The following DCLK1 variants were observed in gnomAD, a reference collection of about 807,000 sequenced individuals.
The protein encoded by DCLK1 is doublecortin like kinase 1, also known as serine/threonine-protein kinase DCLK1.
A neutral mutation model predicts 86.2 loss-of-function variants in DCLK1; 16 were observed. The ratio of observed to expected loss-of-function variants is 0.19; its 90% CI spans 0.13 to 0.28. The LOEUF is 0.28. Ranked by LOEUF, DCLK1 falls within the 10% of genes least tolerant of loss-of-function variation. The pLI, the probability that DCLK1 is intolerant of heterozygous loss-of-function variation, is 1.00. For missense variants in DCLK1, 590 were observed against 940.2 expected (o/e 0.63, Z 4.87); for synonymous variants, 369 against 370.5 (o/e 1.00, Z 0.05).
At position 36,087,638 on chromosome 13, in the gene DCLK1, A is replaced by T. The variant is rs115132197; in HGVS notation, c.723+24231T>A. 5.0e-3 allele frequency among the ~76,000 whole-genome samples: 754 copies of T among 152,300 alleles called. 3 individuals carry two copies. Among genetic ancestry groups the T allele is most frequent in the African/African-American group, 0.017 (714 of 41,576 alleles). ...AAAACAGGCCATGTGGATTGCTGGC[A>T]TGCAGGAAATGCTCTGAGGATATCC... is the stretch of plus-strand genomic sequence containing the variant. On this transcript the variant is annotated intron_variant, in intron 3 of 16. Transcript: ENST00000360631.
At chr13:35,923,260 A>G (rs1875909430) in intron 4 of DCLK1, among the ~76,000 whole-genome samples, 1 of 152,140 alleles carries the variant, frequency 6.6e-6, no homozygotes, top group South Asian at 2.1e-4. Flanking sequence ...CTCAGGACTC[A>G]GGTGAGATGC....
In DCLK1 at chr13:35,864,314, C is replaced by A. The variant is rs375524947; in HGVS notation, c.940+6910G>T. 1.7e-4 allele frequency among the ~76,000 whole-genome samples: 13 copies of A among 75,130 alleles called. 3 individuals are homozygous for A. The East Asian group carries it at 2.1e-3, about 12-fold the overall frequency. The allele number at this position is 75,130 out of a possible 152,430, so 49.3% of individuals were successfully genotyped here. A position where few individuals can be genotyped will look rare whatever the true frequency, so the allele number is the denominator to read the frequency against. ...GGCGCGGTGGCTCACGCCTGTAATCCCAGCACTTTGGGAGGCCGAGGCGGG... is the reference window on the plus strand; with the variant it reads ...GGCGCGGTGGCTCACGCCTGTAATCACAGCACTTTGGGAGGCCGAGGCGGG... On this transcript the variant is annotated intron_variant, in intron 5 of 16. Transcript: ENST00000360631.
intron 3 of DCLK1, among the ~76,000 whole-genome samples, chr13:36,023,901 CT>C (rs59071937): frequency 4.7e-5 from 6 of 128,526 alleles, no homozygotes; most frequent in Admixed American, 8.4e-5. Flanking sequence ...TTCTTTCTTT[CT>C]TTTTTTTTTT....
intron 3 of DCLK1, among the ~76,000 whole-genome samples, chr13:35,961,850 C>G (rs1022433058): frequency 2.0e-5 from 3 of 152,138 alleles, no homozygotes; most frequent in Admixed American, 1.3e-4. Context: ...GTGTTATCCA[C>G]AAGTTTTAAG....
intron 4 of DCLK1, among the ~76,000 whole-genome samples, chr13:35,924,295 G>A (rs958366391): frequency 3.3e-5 from 5 of 152,066 alleles, no homozygotes; most frequent in Non-Finnish European, 4.4e-5. Flanking sequence ...CCAGCAGACC[G>A]TTACAAAGGC....
intron 16 of DCLK1, chr13:35,787,872 T>C: frequency 2.9e-6 from 1 of 340,130 alleles, no homozygotes; most frequent in South Asian, 2.6e-5. Context: ...CTTCCATTTG[T>C]TAAGGGACAG....
intron 5 of DCLK1, among the ~76,000 whole-genome samples, chr13:35,866,614 G>GT (rs1171210862): frequency 9.4e-5 from 13 of 138,140 alleles, no homozygotes; most frequent in East Asian, 2.1e-4. Context: ...GCTAATTTTT[G>GT]TATTTTTTTT....
intron 3 of DCLK1, among the ~76,000 whole-genome samples, chr13:36,097,132 G>C (rs941890290): frequency 6.6e-6 from 1 of 152,138 alleles, no homozygotes; most frequent in African/African-American, 2.4e-5. Flanking sequence ...GTAGAAAGGA[G>C]ACTTTTCTAT....
intron 3 of DCLK1, among the ~76,000 whole-genome samples, chr13:35,984,779 T>C (rs1759346937): frequency 6.7e-6 from 1 of 149,932 alleles, no homozygotes; most frequent in Non-Finnish European, 1.5e-5. Flanking sequence ...CTCTCTTCAC[T>C]ACCCCCCAGG....
chr13:35,901,515 A>AAAAT (rs1874364396), intron 4 of DCLK1, among the ~76,000 whole-genome samples: 1 of 150,600 alleles, frequency 6.6e-6, no homozygotes, highest in Admixed American at 6.6e-5. Context: ...AAAAAAAAAA[A>AAAAT]AAGACAGACT....
At chr13:35,897,774 C>A (rs1225517234) in intron 4 of DCLK1, among the ~76,000 whole-genome samples, 3 of 152,146 alleles carry the variant, frequency 2.0e-5, no homozygotes, top group Non-Finnish European at 4.4e-5. Context: ...CTGAAAACAA[C>A]AGCAAACTTG....
intron 3 of DCLK1, among the ~76,000 whole-genome samples, chr13:36,024,629 T>C (rs542656832): frequency 6.6e-6 from 1 of 152,168 alleles, no homozygotes; most frequent in East Asian, 1.9e-4. Context: ...GATTTGAAGA[T>C]GTAATACTGT....
intron 3 of DCLK1, among the ~76,000 whole-genome samples, chr13:35,987,816 C>T (rs1880012551): frequency 6.6e-6 from 1 of 152,090 alleles, no homozygotes; most frequent in Non-Finnish European, 1.5e-5. Flanking sequence ...ACTATGTGCT[C>T]CAGAGGCCAG....
chr13:36,108,542 T>C lies in DCLK1; in HGVS notation c.723+3327A>G, dbSNP rs572637950. 1.4e-4 allele frequency among the ~76,000 whole-genome samples: 22 copies of C among 152,280 alleles called. No homozygotes were observed. The South Asian group carries it at 4.6e-3, about 32-fold the overall frequency. The stretch of plus-strand genomic sequence containing the variant: ...CGGTGTCCGTCTCCTCTGGGTAAGA[T>C]ATTAAACAGCAGGCTCCGGCTTTCA... On this transcript the variant is annotated intron_variant, in intron 3 of 16. Transcript: ENST00000360631.
chr13:35,810,380 T>C (rs574429634), intron 12 of DCLK1, among the ~76,000 whole-genome samples: 1 of 152,256 alleles, frequency 6.6e-6, no homozygotes, highest in African/African-American at 2.4e-5. Context: ...CTAAGGGTGT[T>C]TGTACTCCAC....
intron 12 of DCLK1, 69 bp from the exon 13 acceptor site, chr13:35,809,164 A>C: frequency 7.5e-7 from 1 of 1,335,294 alleles, no homozygotes; most frequent in Non-Finnish European, 1.0e-6. Context: ...TGGTAAAATC[A>C]ATGACTTTCC....
At chr13:36,127,988 C>A (rs923383494) in intron 1 of DCLK1, among the ~76,000 whole-genome samples, 1 of 152,210 alleles carries the variant, frequency 6.6e-6, no homozygotes, top group African/African-American at 2.4e-5. Context: ...AAGAACCTTA[C>A]AAGCACTCCC....
At chr13:35,792,769 A>G (rs1472152714) in intron 16 of DCLK1, among the ~76,000 whole-genome samples, 1 of 152,216 alleles carries the variant, frequency 6.6e-6, no homozygotes, top group African/African-American at 2.4e-5. Context: ...AACAGAAAAG[A>G]AAGGCCTTGT....
At chr13:36,076,762 G>A (rs1036847587) in intron 3 of DCLK1, among the ~76,000 whole-genome samples, 10 of 152,070 alleles carry the variant, frequency 6.6e-5, no homozygotes, top group Non-Finnish European at 1.5e-4. Context: ...TCTACCCATG[G>A]GCCCTGGCTC....
Sources: allele counts gnomAD v4.1 joint callset (sites outside exome capture counted in the v4.1 genomes callset), GRCh38; gene constraint gnomAD v4.1.1; transcripts MANE v1.5; gene names NCBI Gene and HGNC (gene_info 2026-07-23, HGNC 2026-07-21).